Variants in KLHL4 observed in about 807,000 individuals in gnomAD.
KLHL4 encodes kelch-like protein 4.
Under a neutral mutation model 45.8 loss-of-function variants are expected in KLHL4, and 17 were observed. That is an observed-to-expected ratio of 0.37 (90% confidence interval 0.25 to 0.56). KLHL4 has a LOEUF of 0.56. KLHL4 is among the 20% of genes least tolerant of loss of function. KLHL4 has a pLI of 0.79. For synonymous variants in KLHL4, 224 were observed against 189.9 expected (o/e 1.18, Z -1.47); for missense variants, 544 against 544.9 (o/e 1.00, Z 0.02).
chrX:87,597,327 T>C (rs1255294931), intron 1 of KLHL4, among the ~76,000 whole-genome samples: 1 of 111,442 alleles, frequency 9.0e-6, no homozygotes, highest in African/African-American at 3.3e-5. Flanking sequence ...AAATTGAAAT[T>C]ATCATACCTG....
chrX:87,548,259 A>G (rs770382129), intron 1 of KLHL4, among the ~76,000 whole-genome samples: 1 of 112,043 alleles, frequency 8.9e-6, no homozygotes, highest in South Asian at 3.7e-4. Context: ...ATATCTGGTG[A>G]ATATGTCCTT....
chrX:87,657,784 C>G (rs907670186), intron 9 of KLHL4, among the ~76,000 whole-genome samples: 2 of 111,648 alleles, frequency 1.8e-5, no homozygotes, highest in Middle Eastern at 4.2e-3. Flanking sequence ...TGATCCCATG[C>G]TTTGCCTATG....
rs779247732 is a variant in KLHL4, at chrX:87,640,858, A to G, written c.1925+5083A>G. On this transcript the variant is annotated intron_variant, in intron 9 of 10. Coordinates refer to ENST00000373119, the MANE Select transcript of KLHL4 (RefSeq NM_019117.5). ...TAGCCAGAGCAGTCGGACAAGATAA[A>G]GAAATAAAGGGCATCCAAATTGGTA... is the stretch of plus-strand genomic sequence containing the variant. Among the ~76,000 whole-genome samples the G allele has an allele frequency of 5.4e-5, 6 of 111,918 alleles. No homozygotes were observed. The South Asian group carries it at 2.2e-3, about 42-fold the overall frequency.
At chrX:87,539,764 A>C (rs948822414) in intron 1 of KLHL4, among the ~76,000 whole-genome samples, 1 of 111,308 alleles carries the variant, frequency 9.0e-6, no homozygotes, top group Non-Finnish European at 1.9e-5. Context: ...TCTATTTAGT[A>C]AACTTCTTCC....
At chrX:87,631,109 C>T (rs1000079775) in intron 6 of KLHL4, among the ~76,000 whole-genome samples, 2 of 111,418 alleles carry the variant, frequency 1.8e-5, no homozygotes, top group Non-Finnish European at 3.8e-5. Flanking sequence ...GCATAGGGCA[C>T]GAATCTCTGG....
At chrX:87,555,720 C>G (rs1420951647) in intron 1 of KLHL4, among the ~76,000 whole-genome samples, 1 of 106,618 alleles carries the variant, frequency 9.4e-6, no homozygotes, top group Non-Finnish European at 1.9e-5. Flanking sequence ...CTATTTCCTT[C>G]AGTTCTGCTC....
chrX:87,587,246 T>C (rs1921510332), intron 1 of KLHL4, among the ~76,000 whole-genome samples: 1 of 109,589 alleles, frequency 9.1e-6, no homozygotes. Context: ...CTCAAGCTAT[T>C]CTATTCTGAA....
chrX:87,645,720 A>C (rs140150401), intron 9 of KLHL4, among the ~76,000 whole-genome samples: 1,406 of 112,050 alleles, frequency 0.013, 17 homozygotes, highest in African/African-American at 0.042. Context: ...CTATGCAGCC[A>C]TAAAAAGGAA....
chrX:87,581,576 A>G (rs910078635), intron 1 of KLHL4, among the ~76,000 whole-genome samples: 1 of 112,466 alleles, frequency 8.9e-6, no homozygotes, highest in Non-Finnish European at 1.9e-5. Context: ...GTACTGGACA[A>G]ACATAGGTGA....
At chrX:87,663,034 T>C (rs1924250246) in intron 9 of KLHL4, among the ~76,000 whole-genome samples, 1 of 109,646 alleles carries the variant, frequency 9.1e-6, no homozygotes. Flanking sequence ...TTTTTTTTTT[T>C]TTTGCTAAAA....
chrX:87,543,888 C>G (rs1298729301), intron 1 of KLHL4, among the ~76,000 whole-genome samples: 3 of 111,307 alleles, frequency 2.7e-5, no homozygotes, highest in Non-Finnish European at 3.8e-5. Flanking sequence ...AGTGAAGAGC[C>G]CTTCAGCCCT....
intron 1 of KLHL4, among the ~76,000 whole-genome samples, chrX:87,581,389 G>T (rs1231158776): frequency 8.9e-6 from 1 of 112,167 alleles, no homozygotes; most frequent in Admixed American, 9.4e-5. Context: ...ATCTTTAAGG[G>T]GTTTCTTGAT....
intron 1 of KLHL4, among the ~76,000 whole-genome samples, chrX:87,519,928 A>G (rs1055694986): frequency 1.8e-5 from 2 of 112,316 alleles, no homozygotes; most frequent in African/African-American, 3.2e-5. Context: ...GTTAGGTAAA[A>G]TGTCACATTT....
At chrX:87,548,845 G>GA (rs58087826) in intron 1 of KLHL4, among the ~76,000 whole-genome samples, 5,977 of 80,042 alleles carry the variant, frequency 0.075, 182 homozygotes, top group Middle Eastern at 0.15. Context: ...AAGAAAGAAT[G>GA]AAAAAAAAAA....
intron 3 of KLHL4, 58 bp downstream of exon 3, chrX:87,614,628 T>TTAGTAG: frequency 2.0e-6 from 2 of 1,016,190 alleles, no homozygotes; most frequent in Non-Finnish European, 2.7e-6. Flanking sequence ...CACATTATTA[T>TTAGTAG]TAGTAGTAGT....
chrX:87,601,635 T>G (rs1370075875), intron 1 of KLHL4, among the ~76,000 whole-genome samples: 1 of 111,605 alleles, frequency 9.0e-6, no homozygotes, highest in Non-Finnish European at 1.9e-5. Context: ...GCACAGGCTG[T>G]GATCATTTAT....
rs543479646 is a variant in KLHL4 at position 87,579,915 on chromosome X, T to G, written c.423-33962T>G. On this transcript the variant is annotated intron_variant, in intron 1 of 10. Transcript: ENST00000373119. Reference sequence around the variant, plus strand: ...TGAAACTCATTGGTAAAGGTAAATATGTGAATACAGAATACCATAATAATG... The same window carrying G: ...TGAAACTCATTGGTAAAGGTAAATAGGTGAATACAGAATACCATAATAATG... Among the ~76,000 whole-genome samples, 35 of 112,159 alleles carry G rather than the reference T, an allele frequency of 3.1e-4. No individual in the cohort carries two copies. The South Asian group carries it at 0.013, about 40-fold the overall frequency.
chrX:87,657,195 G>A (rs1249104144), intron 9 of KLHL4, among the ~76,000 whole-genome samples: 2 of 112,231 alleles, frequency 1.8e-5, no homozygotes, highest in African/African-American at 6.5e-5. Context: ...TGGTGGTGGT[G>A]GTAGCAGATG....
chrX:87,549,245 T>A (rs1602410950), intron 1 of KLHL4, among the ~76,000 whole-genome samples: 1 of 110,890 alleles, frequency 9.0e-6, no homozygotes, highest in East Asian at 2.8e-4. Flanking sequence ...TATATATGCA[T>A]CCAAGATGGT....
Sources: gnomAD v4.1 joint callset for allele counts (sites outside exome capture counted in the v4.1 genomes callset) on GRCh38, gnomAD v4.1.1 for gene constraint, MANE v1.5 for transcripts, NCBI Gene and HGNC (gene_info 2026-07-23, HGNC 2026-07-21) for gene names.